AKAP6: variants seen among roughly 807,000 people sequenced by gnomAD.
AKAP6 encodes the protein A-kinase anchoring protein 6, also known as A-kinase anchor protein 6.
In AKAP6, 58 loss-of-function variants were observed where a neutral mutation model predicts 188.5. The ratio of observed to expected loss-of-function variants is 0.31; its 90% confidence interval spans 0.25 to 0.38. AKAP6 has a LOEUF of 0.38. Among genes scored for constraint, AKAP6 ranks in the 10% least tolerant of loss-of-function variants. AKAP6 has a pLI of 1.00. For synonymous variants in AKAP6, 989 were observed against 998.6 expected, an observed-to-expected ratio of 0.99 and a Z score of 0.18; for missense variants, 2,710 against 2,740.0, an observed-to-expected ratio of 0.99 and a Z score of 0.24.
intron 1 of AKAP6, among the ~76,000 whole-genome samples, chr14:32,416,647 C>T (rs762744176): frequency 5.3e-5 from 8 of 151,662 alleles, no homozygotes; most frequent in Admixed American, 1.3e-4. Context: ...CTCTGCCTCC[C>T]GGGTTCAAGT....
intron 7 of AKAP6, among the ~76,000 whole-genome samples, chr14:32,641,062 G>T (rs1271243865): frequency 6.6e-6 from 1 of 152,072 alleles, no homozygotes; most frequent in Non-Finnish European, 1.5e-5. Flanking sequence ...TAATGAGACT[G>T]CAGGAGAAAT....
rs1418683176 is a variant in AKAP6, at chr14:32,599,421, G to A, written c.2481G>A (p.Leu827=). 3 of 1,612,438 alleles carry A rather than the reference G, an allele frequency of 1.9e-6. No individual in the cohort carries two copies. Among genetic ancestry groups the A allele is most frequent in the Non-Finnish European group, 2.5e-6 (3 of 1,179,092 alleles). Residue 827 remains leucine, a synonymous_variant, in exon 6 of 14, where the codon TTG becomes TTA. Coordinates refer to ENST00000280979, the MANE Select transcript of AKAP6 (RefSeq NM_004274.5). ...ATTTTTCCTTGCAGAGTTTTAAGTT[G>A]AATGTAGACAGTCATTGTGCTCTCA... ...LYLETHLSFK[L]NVDSHCALKE... is the part of the protein sequence containing the mutation.
chr14:32,809,895 G>T (rs940769564), intron 12 of AKAP6, among the ~76,000 whole-genome samples: 3 of 152,142 alleles, frequency 2.0e-5, no homozygotes, highest in Admixed American at 6.5e-5. Flanking sequence ...TTTGGTAAAA[G>T]GTGGAGGTCA....
At chr14:32,810,221 G>A (rs906456228) in intron 12 of AKAP6, among the ~76,000 whole-genome samples, 2 of 150,598 alleles carry the variant, frequency 1.3e-5, no homozygotes, top group Non-Finnish European at 3.0e-5. Context: ...AAGAATTTTA[G>A]GAGATTAAAA....
chr14:32,520,127 A>G (rs1294085389), intron 2 of AKAP6, among the ~76,000 whole-genome samples: 2 of 152,224 alleles, frequency 1.3e-5, no homozygotes, highest in Non-Finnish European at 2.9e-5. Flanking sequence ...AGGCAGAAAT[A>G]AAGATGTTCT....
chr14:32,837,400 C>G lies in AKAP6; in HGVS notation c.*7595C>G, dbSNP rs754002266. The G allele has an allele frequency of 1.3e-5, 2 of 152,182 alleles. No individual in the cohort carries two copies. Among genetic ancestry groups the G allele is most frequent in the Non-Finnish European group, 2.9e-5 (2 of 68,034 alleles). 9.4% of individuals were successfully genotyped at this position (152,182 alleles called of 1,614,324 possible). A position where few individuals can be genotyped will look rare whatever the true frequency, so the allele number is the denominator to read the frequency against. ...TTATTCAGTGAAATTTATTCAAGGACTTAAAATGATTGAAGGCATTAGGAA... is the reference window on the plus strand; with the variant it reads ...TTATTCAGTGAAATTTATTCAAGGAGTTAAAATGATTGAAGGCATTAGGAA... On this transcript the variant is annotated 3_prime_UTR_variant, in exon 14 of 14. Transcript: ENST00000280979.
At chr14:32,800,212 A>G (rs2033909044) in intron 12 of AKAP6, among the ~76,000 whole-genome samples, 1 of 148,024 alleles carries the variant, frequency 6.8e-6, no homozygotes, top group African/African-American at 2.5e-5. Flanking sequence ...ATATATACAC[A>G]CATCTATATA....
chr14:32,612,727 A>AT (rs537992991), intron 7 of AKAP6, among the ~76,000 whole-genome samples: 1 of 152,250 alleles, frequency 6.6e-6, no homozygotes, highest in South Asian at 2.1e-4. Flanking sequence ...AGATTGTTAG[A>AT]TTTTTTAAAA....
chr14:32,667,738 G>T (rs1889008885), intron 7 of AKAP6, among the ~76,000 whole-genome samples: 1 of 152,020 alleles, frequency 6.6e-6, no homozygotes, highest in African/African-American at 2.4e-5. Context: ...TAAAAGAACA[G>T]TATAAAGGCA....
intron 2 of AKAP6, among the ~76,000 whole-genome samples, chr14:32,457,118 A>G (rs1891171580): frequency 6.6e-6 from 1 of 152,188 alleles, no homozygotes; most frequent in African/African-American, 2.4e-5. Context: ...TCACTGATTA[A>G]ATGGAAAAAA....
rs542141217 is a variant in AKAP6 at position 32,786,982 on chromosome 14, C to A, written c.3588+13089C>A. On this transcript the variant is annotated intron_variant, in intron 12 of 13. Coordinates refer to ENST00000280979, the MANE Select transcript of AKAP6 (RefSeq NM_004274.5). ...AGAAACCTTACACATTTATTGGCCC[C>A]AAAAATACATAACACATCTAGCCAC... Among the ~76,000 whole-genome samples the A allele has an allele frequency of 2.2e-4, 33 of 152,180 alleles. No individual in the cohort carries two copies. The South Asian group carries it at 6.9e-3, about 32-fold the overall frequency.
chr14:32,725,001 A>AAAAAAAAAC (rs2030779883), intron 9 of AKAP6, among the ~76,000 whole-genome samples: 1 of 148,620 alleles, frequency 6.7e-6, no homozygotes, highest in Non-Finnish European at 1.5e-5. Context: ...AAAAAAAAAA[A>AAAAAAAAAC]AAAAAAAAAA....
Position 32,678,464 on chromosome 14 carries a change from G to A in AKAP6, c.2879+5G>A. The A allele has an allele frequency of 1.2e-6, 2 of 1,613,538 alleles. No homozygotes were observed. Among genetic ancestry groups the A allele is most frequent in the Non-Finnish European group, 1.7e-6 (2 of 1,179,650 alleles). On this transcript the variant is annotated splice_donor_5th_base_variant and intron_variant, in intron 8 of 13. Transcript: ENST00000280979. ...TCATTCAGTGGGAAGCAATGGGTAG[G>A]GAACTATTCTTTTTGTTGTTTTATT...
chr14:32,690,802 A>C (rs1231352371), intron 8 of AKAP6, among the ~76,000 whole-genome samples: 1 of 152,192 alleles, frequency 6.6e-6, no homozygotes, highest in Non-Finnish European at 1.5e-5. Flanking sequence ...CCATAACATG[A>C]TTAAGCTACC....
chr14:32,724,374 T>G (rs1436552157), intron 9 of AKAP6, among the ~76,000 whole-genome samples: 1 of 152,202 alleles, frequency 6.6e-6, no homozygotes, highest in Non-Finnish European at 1.5e-5. Flanking sequence ...AATGATTGCA[T>G]CCATCTGCTC....
At chr14:32,454,669 TTCCCTCCTTCCCTCCTTCCC>T (rs1891065816) in intron 2 of AKAP6, among the ~76,000 whole-genome samples, 1 of 65,544 alleles carries the variant, frequency 1.5e-5, no homozygotes, top group African/African-American at 5.4e-5. Context: ...CCTTCCCTCC[TTCCCTCCTTCCCTCCTTCCC>T]TCCCTCCCTC....
intron 11 of AKAP6, among the ~76,000 whole-genome samples, chr14:32,739,847 A>T (rs1465185930): frequency 6.6e-6 from 1 of 152,062 alleles, no homozygotes; most frequent in African/African-American, 2.4e-5. Flanking sequence ...GAGTGCAGAA[A>T]TTTCTTCAAT....
At chr14:32,725,126 G>A (rs1423826295) in intron 9 of AKAP6, among the ~76,000 whole-genome samples, 2 of 150,226 alleles carry the variant, frequency 1.3e-5, no homozygotes, top group African/African-American at 2.5e-5. Flanking sequence ...GCCTGCTTAC[G>A]TTTTTTGCCT....
intron 12 of AKAP6, among the ~76,000 whole-genome samples, chr14:32,802,822 G>A (rs1290806651): frequency 6.6e-6 from 1 of 152,158 alleles, no homozygotes; most frequent in Non-Finnish European, 1.5e-5. Flanking sequence ...TGAAGGCTGG[G>A]CACAGTGGCT....
Sources: allele counts gnomAD v4.1 joint callset (sites outside exome capture counted in the v4.1 genomes callset), GRCh38; gene constraint gnomAD v4.1.1; transcripts MANE v1.5; gene names NCBI Gene and HGNC (gene_info 2026-07-23, HGNC 2026-07-21).